The following RNASEH1 variants were observed in gnomAD, a reference collection of about 807,000 sequenced individuals.
RNASEH1 encodes ribonuclease H type II.
A neutral mutation model predicts 34.6 loss-of-function variants in RNASEH1; 27 were observed. The ratio of observed to expected loss-of-function variants is 0.78; its 90% CI spans 0.58 to 1.08. The LOEUF is 1.08. Ranked by LOEUF, RNASEH1 falls within the 50% of genes least tolerant of loss-of-function variation. The pLI is 0.00. For missense variants in RNASEH1, 349 were observed against 373.6 expected (o/e 0.93, Z 0.54); for synonymous variants, 162 against 138.4 (o/e 1.17, Z -1.20).
the RNASEH1 span, chr2:3,532,039 G>A: frequency 1.1e-5 from 6 of 561,540 alleles, no homozygotes; most frequent in Non-Finnish European, 1.9e-5. Context: ...AAGAAGACAA[G>A]ACAGCAAGAT....
At position 3,543,580 on chromosome 2, in the gene RNASEH1, C is replaced by T. The variant is rs146116277; in HGVS notation, c.*2205G>A. 9.9e-5 allele frequency among the ~76,000 whole-genome samples: 15 copies of T among 152,156 alleles called. No individual in the cohort carries two copies. Among genetic ancestry groups the T allele is most frequent in the East Asian group, 7.7e-4 (4 of 5,170 alleles). On this transcript the variant is annotated 3_prime_UTR_variant, in exon 8 of 8. Transcript: ENST00000315212. ...AGCTAAATAAAGATAAAAATCACAA[C>T]GGATTGAAACCCACCAAGTATGCTT... is the stretch of plus-strand genomic sequence containing the variant.
rs988176340 is a variant in RNASEH1, at chr2:3,541,671, A to G, written c.*4114T>C. ...TTCTAGAATATATAAATTAACCTTT[A>G]GTGAGAGGGAGCAGACCAGTGGTTG... On this transcript the variant is annotated 3_prime_UTR_variant, in exon 8 of 8. Transcript: ENST00000315212. Among the ~76,000 whole-genome samples, 2 of 152,222 alleles carry G rather than the reference A, an allele frequency of 1.3e-5. No homozygotes were observed. Among genetic ancestry groups the G allele is most frequent in the Admixed American group, 6.5e-5 (1 of 15,286 alleles).
intron 7 of RNASEH1, among the ~76,000 whole-genome samples, chr2:3,547,299 T>A (rs1668846149): frequency 6.6e-6 from 1 of 152,154 alleles, no homozygotes; most frequent in African/African-American, 2.4e-5. Context: ...CACCTCAGTG[T>A]CCTGAGTAAC....
At chr2:3,552,110 G>C (rs7563960) in intron 3 of RNASEH1, 34 bp downstream of exon 3, 1 of 1,569,978 alleles carries the variant, frequency 6.4e-7, no homozygotes, top group Non-Finnish European at 8.7e-7. Context: ...TCCTGACTGT[G>C]GTATTAAAAT....
intron 2 of RNASEH1, 88 bp from the exon 3 acceptor site, chr2:3,552,396 TA>T (rs1660031170): frequency 7.6e-7 from 1 of 1,321,830 alleles, no homozygotes; most frequent in Admixed American, 2.0e-5. Flanking sequence ...AATTATTTAG[TA>T]TCATTAAATC....
intron 6 of RNASEH1, 23 bp from the exon 7 acceptor site, chr2:3,548,078 G>T: frequency 1.2e-6 from 2 of 1,613,524 alleles, no homozygotes; most frequent in South Asian, 1.1e-5. Flanking sequence ...ACGATCACTG[G>T]TGAGTCAATC....
intron 1 of RNASEH1, chr2:3,557,605 G>A (rs1256356803): frequency 3.8e-5 from 13 of 343,726 alleles, no homozygotes; most frequent in South Asian, 3.0e-4. Context: ...TCCTTTCTCT[G>A]TCAGTTACAT....
chr2:3,544,470 A>C lies in RNASEH1; in HGVS notation c.*1315T>G, dbSNP rs1019010799. 1.3e-5 allele frequency among the ~76,000 whole-genome samples: 2 copies of C among 152,202 alleles called. No homozygotes were observed. Among genetic ancestry groups the C allele is most frequent in the Non-Finnish European group, 2.9e-5 (2 of 68,028 alleles). On this transcript the variant is annotated 3_prime_UTR_variant, in exon 8 of 8. Transcript: ENST00000315212. ...GGACACTGAAGTAGATAAAAAAATA[A>C]ACAAAAAAAAGCAGACAAGACTAAA... is the stretch of plus-strand genomic sequence containing the variant.
At position 3,543,565 on chromosome 2, in the gene RNASEH1, A is replaced by G. The variant is rs1668473885; in HGVS notation, c.*2220T>C. 6.6e-6 allele frequency among the ~76,000 whole-genome samples: 1 copy of G among 152,212 alleles called. No homozygotes were observed. Among genetic ancestry groups the G allele is most frequent in the Admixed American group, 6.5e-5 (1 of 15,280 alleles). ...GAATAAGCTAGTCTGAGCTAAATAA[A>G]GATAAAAATCACAACGGATTGAAAC... On this transcript the variant is annotated 3_prime_UTR_variant, in exon 8 of 8. Coordinates refer to ENST00000315212, the MANE Select transcript of RNASEH1 (RefSeq NM_002936.6).
the RNASEH1 span, among the ~76,000 whole-genome samples, chr2:3,534,738 C>T: frequency 1.4e-4 from 22 of 152,328 alleles, no homozygotes; most frequent in African/African-American, 4.3e-4. Context: ...CAGGCAGGGG[C>T]GCCAGCGGCC....
chr2:3,538,349 T>A (rs1252525110), downstream of RNASEH1, among the ~76,000 whole-genome samples: 1 of 151,090 alleles, frequency 6.6e-6, no homozygotes, highest in Non-Finnish European at 1.5e-5. Flanking sequence ...CAAAACTCCA[T>A]CTCAAAAAAA....
chr2:3,551,483 CTTGT>C lies in RNASEH1; in HGVS notation c.409+657_409+660del, dbSNP rs530302181. Among the ~76,000 whole-genome samples, 958 of 152,328 alleles carry C rather than the reference CTTGT, an allele frequency of 6.3e-3. 9 individuals are homozygous for C. Among genetic ancestry groups the C allele is most frequent in the African/African-American group, 0.022 (899 of 41,572 alleles). On this transcript the variant is annotated intron_variant, in intron 3 of 7. Transcript: ENST00000315212. ...CTAGTAAATCACCAAATAAAGAATA[CTTGT>C]TTGATCTTTTTTTACGTAACTGCAA... is the stretch of plus-strand genomic sequence containing the variant.
At chr2:3,532,911 T>C in the RNASEH1 span, among the ~76,000 whole-genome samples, 1 of 152,170 alleles carries the variant, frequency 6.6e-6, no homozygotes. Context: ...GGAGGCGCTC[T>C]CCCGCGCAGA....
At chr2:3,554,388 GTCAGT>G (rs535722496) in intron 2 of RNASEH1, among the ~76,000 whole-genome samples, 34 of 152,254 alleles carry the variant, frequency 2.2e-4, no homozygotes, top group African/African-American at 7.5e-4. Flanking sequence ...AAACACACTT[GTCAGT>G]TAAGTTTTAC....
intron 4 of RNASEH1, among the ~76,000 whole-genome samples, chr2:3,549,400 G>C (rs531477693): frequency 1.3e-5 from 2 of 152,148 alleles, no homozygotes; most frequent in African/African-American, 2.4e-5. Flanking sequence ...GAGAAAACTC[G>C]GGAAGAAGAA....
chr2:3,534,388 A>G, the RNASEH1 span: 3 of 152,292 alleles, frequency 2.0e-5, no homozygotes, highest in Non-Finnish European at 4.4e-5. Context: ...GGAATGAACT[A>G]GAGCTATGGT....
intron 1 of RNASEH1, among the ~76,000 whole-genome samples, chr2:3,557,385 CCAT>C (rs1660617234): frequency 6.6e-6 from 1 of 152,176 alleles, no homozygotes; most frequent in African/African-American, 2.4e-5. Flanking sequence ...CACACCAGCA[CCAT>C]AAGGCTTTCG....
rs1669187285 is a variant in RNASEH1 at position 3,550,440 on chromosome 2, A to G, written c.442T>C (p.Cys148Arg). 4 of 1,614,086 alleles carry G rather than the reference A, an allele frequency of 2.5e-6. No individual in the cohort carries two copies. The South Asian group carries it at 3.3e-5, about 13-fold the overall frequency. Residue 148 changes from cysteine to arginine, a missense_variant, in exon 4 of 8, where the codon TGC becomes CGC. Cys to Arg is a radical substitution (Grantham distance 180). Transcript: ENST00000315212. ...DFVVVYTDGC[C>R]SSNGRRRPRA... Reference sequence around the variant, plus strand: ...GGCCTTCTACGCCCATTACTGGAGCAGCAGCCATCAGTGTAGACGACGACG... The same window carrying G: ...GGCCTTCTACGCCCATTACTGGAGCGGCAGCCATCAGTGTAGACGACGACG...
At position 3,557,043 on chromosome 2, in the gene RNASEH1, C is replaced by T. The variant is rs185664386; in HGVS notation, c.129-139G>A. On this transcript the variant is annotated intron_variant, in intron 1 of 7. Coordinates refer to ENST00000315212, the MANE Select transcript of RNASEH1 (RefSeq NM_002936.6). ...TTCCAGGAAGTCCTCCACCCCATCA[C>T]AGATACCAACATCAGAGGATGCTTA... 1.4e-5 allele frequency: 9 copies of T among 632,668 alleles called. No individual in the cohort carries two copies. In the East Asian group the frequency reaches 2.5e-4, roughly 18 times the overall value. 39.2% of individuals were successfully genotyped at this position (632,668 alleles called of 1,614,324 possible). A position where few individuals can be genotyped will look rare whatever the true frequency, so the allele number is the denominator to read the frequency against.
Sources: allele counts gnomAD v4.1 joint callset (sites outside exome capture counted in the v4.1 genomes callset), GRCh38; gene constraint gnomAD v4.1.1; transcripts MANE v1.5; gene names NCBI Gene and HGNC (gene_info 2026-07-23, HGNC 2026-07-21).